The following NUP188 variants were observed in gnomAD, a reference collection of about 807,000 sequenced individuals.
NUP188 encodes the protein nucleoporin NUP188.
NUP188 carries 97 observed loss-of-function variants against 223.0 expected under a neutral mutation model. That is an observed-to-expected ratio of 0.43 (90% CI 0.37 to 0.51). NUP188 has a LOEUF of 0.51. NUP188 is among the 20% of genes least tolerant of loss of function. The pLI, the probability that NUP188 is intolerant of heterozygous loss-of-function variation, is 0.00. For missense variants in NUP188, 1,947 were observed against 2,175.6 expected (o/e 0.89, Z 2.09); for synonymous variants, 869 against 828.0 (o/e 1.05, Z -0.85).
Position 129,006,624 on chromosome 9 carries a change from T to C in NUP188, c.5196T>C (p.Ser1732=), listed in dbSNP as rs1439639582. The change falls in exon 44 of 44, where the codon AGT becomes AGC. Residue 1732 remains serine (S), a synonymous_variant. Transcript: ENST00000372577. ...STSLSKASPE[S]QEPLIQLVQA... ...CTCTCTCCAAAGCCAGCCCTGAGAG[T>C]CAGGAGCCTCTGATCCAGTTGGTGC... is the stretch of plus-strand genomic sequence containing the variant. 25 of 1,613,798 alleles carry C rather than the reference T, an allele frequency of 1.5e-5. No individual in the cohort carries two copies. Among genetic ancestry groups the C allele is most frequent in the Non-Finnish European group, 2.1e-5 (25 of 1,179,938 alleles).
In NUP188 at chr9:129,006,528, C is replaced by A. The variant is rs577229801; in HGVS notation, c.5100C>A (p.Arg1700=). Residue 1700 remains arginine (R), a synonymous_variant, in exon 44 of 44, where the codon CGC becomes CGA. Coordinates refer to ENST00000372577, the MANE Select transcript of NUP188 (RefSeq NM_015354.3). ...ELSTLLSSLS[R]YFRRGAPSSP... is the part of the protein sequence containing the mutation. ...GCACGCTGCTGTCCAGCCTCTCGCG[C>A]TACTTCCGCCGGGGAGCCCCCAGCT... 1.2e-6 allele frequency: 2 copies of A among 1,613,764 alleles called. No homozygotes were observed. The highest frequency in any genetic ancestry group is 3.3e-5 in the Admixed American group (2 of 59,902).
chr9:129,006,672 A>G lies in NUP188; in HGVS notation c.5244A>G (p.Gln1748=). The change falls in exon 44 of 44, where the codon CAA becomes CAG. Residue 1748 remains glutamine, a synonymous_variant. Coordinates refer to ENST00000372577, the MANE Select transcript of NUP188 (RefSeq NM_015354.3). ...TGCAGGCGTTTGTCCGGCATATGCA[A>G]AGATAGGGCAGTGCTGTTCTGCCCA... ...QLVQAFVRHM[Q]R 6.2e-7 allele frequency: 1 copy of G among 1,612,624 alleles called. No individual in the cohort carries two copies. Among genetic ancestry groups the G allele is most frequent in the Non-Finnish European group, 8.5e-7 (1 of 1,179,640 alleles).
intron 2 of NUP188, among the ~76,000 whole-genome samples, chr9:128,951,326 A>G (rs1205032171): frequency 1.4e-5 from 2 of 139,718 alleles, no homozygotes; most frequent in Non-Finnish European, 1.6e-5. Flanking sequence ...AAAAAAAAAA[A>G]GTCAGGCTTG....
intron 3 of NUP188, among the ~76,000 whole-genome samples, chr9:128,953,955 G>A (rs151328211): frequency 3.3e-5 from 5 of 151,752 alleles, no homozygotes; most frequent in African/African-American, 9.7e-5. Context: ...TTGGCCTCCC[G>A]AGTGGCTGGG....
intron 15 of NUP188, among the ~76,000 whole-genome samples, 167 bp downstream of exon 15, chr9:128,981,557 C>T (rs1296071846): frequency 6.6e-6 from 1 of 151,984 alleles, no homozygotes; most frequent in Non-Finnish European, 1.5e-5. Context: ...GGATTATAGA[C>T]GTGAGCCAAT....
intron 9 of NUP188, 142 bp from the exon 10 acceptor site, chr9:128,969,258 C>G: frequency 5.2e-6 from 3 of 581,636 alleles, no homozygotes; most frequent in Non-Finnish European, 9.1e-6. Context: ...CTCTGCCTCT[C>G]AAAGTGTTAG....
Position 128,969,439 on chromosome 9 carries a change from C to G in NUP188, c.837C>G (p.Ile279Met). 6.2e-7 allele frequency: 1 copy of G among 1,610,566 alleles called. No homozygotes were observed. The highest frequency in any genetic ancestry group is 2.2e-5 in the East Asian group (1 of 44,614). Residue 279 changes from isoleucine to methionine, a missense_variant, in exon 10 of 44, where the codon ATC becomes ATG. Ile to Met is a conservative substitution (Grantham distance 10, BLOSUM62 1). This residue lies in a region of NUP188 where 817 missense variants were observed against 865.8 expected (regional missense o/e 0.94). Transcript: ENST00000372577. ...SALILVEGMDIESLHKCALDD... is the reference protein window; with the variant it reads ...SALILVEGMDMESLHKCALDD... Reference sequence around the variant, plus strand: ...TCATCCTGGTGGAGGGCATGGATATCGAGTCCTTGCATAAGTGTGCTTTGG... The same window carrying G: ...TCATCCTGGTGGAGGGCATGGATATGGAGTCCTTGCATAAGTGTGCTTTGG...
chr9:128,999,391 C>G, intron 33 of NUP188, 74 bp downstream of exon 33: 1 of 1,542,738 alleles, frequency 6.5e-7, no homozygotes. Flanking sequence ...GGGCTTCCTT[C>G]AGCTTAGGGC....
intron 31 of NUP188, 124 bp from the exon 32 acceptor site, chr9:128,998,414 T>C: frequency 9.7e-7 from 1 of 1,029,280 alleles, no homozygotes. Flanking sequence ...CCCTGGCTTC[T>C]CCCCCTCCAC....
At chr9:128,977,403 G>A (rs569939328) in intron 12 of NUP188, among the ~76,000 whole-genome samples, 15 of 152,162 alleles carry the variant, frequency 9.9e-5, no homozygotes, top group Admixed American at 9.8e-4. Context: ...ATAGGCATGA[G>A]CCACCGTGCC....
At chr9:128,999,044 G>C in intron 32 of NUP188, 128 bp from the exon 33 acceptor site, 3 of 681,010 alleles carry the variant, frequency 4.4e-6, no homozygotes, top group Non-Finnish European at 7.6e-6. Flanking sequence ...GTAGAGACAG[G>C]GTTTCACCAT....
Position 129,006,035 on chromosome 9 carries a change from C to G in NUP188, c.4870-15C>G. Reference sequence around the variant, plus strand: ...GTTCCTGTTGTCTTAGTTTTTTACCCTTGCTTCTCTTCAGCTGGACAAGAA... The same window carrying G: ...GTTCCTGTTGTCTTAGTTTTTTACCGTTGCTTCTCTTCAGCTGGACAAGAA... On this transcript the variant is annotated splice_polypyrimidine_tract_variant and intron_variant, in intron 41 of 43. Transcript: ENST00000372577. The G allele has an allele frequency of 1.2e-6, 2 of 1,614,110 alleles. No homozygotes were observed. The highest frequency in any genetic ancestry group is 8.5e-7 in the Non-Finnish European group (1 of 1,179,982).
intron 12 of NUP188, among the ~76,000 whole-genome samples, chr9:128,975,226 C>CTTTTTTTTTTTTTTTTTT (rs540828761): frequency 7.6e-6 from 1 of 131,872 alleles, no homozygotes; most frequent in African/African-American, 3.0e-5. Context: ...TTTTCTTTTC[C>CTTTTTTTTTTTTTTTTTT]TTTTTTTTTT....
chr9:128,999,040 A>G (rs1167578552), intron 32 of NUP188, 132 bp from the exon 33 acceptor site: 3 of 661,858 alleles, frequency 4.5e-6, no homozygotes, highest in African/African-American at 3.6e-5. Context: ...TTTAGTAGAG[A>G]CAGGGTTTCA....
At position 129,006,139 on chromosome 9, in the gene NUP188, G is replaced by C; in HGVS notation, c.4943+16G>C. On this transcript the variant is annotated intron_variant, in intron 42 of 43. Coordinates refer to ENST00000372577, the MANE Select transcript of NUP188 (RefSeq NM_015354.3). ...GGACGTTAAAGTAAGTGCTCTTTCT[G>C]GGATTTGATAAGGGGCTGGGGCAGT... 6.2e-7 allele frequency: 1 copy of C among 1,614,146 alleles called. No individual in the cohort carries two copies. Among genetic ancestry groups the C allele is most frequent in the African/African-American group, 1.3e-5 (1 of 75,032 alleles).
In NUP188 at chr9:128,952,413, AAAAG is replaced by A. The variant is rs1482189218; in HGVS notation, c.88-355_88-352del. On this transcript the variant is annotated intron_variant, in intron 2 of 43. Coordinates refer to ENST00000372577, the MANE Select transcript of NUP188 (RefSeq NM_015354.3). Reference sequence around the variant, plus strand: ...GACTCCGTCTCAAAAAAAAAAAAAAAAAAGAAAGCACAAAAAACTGCATTTGCGG... The same window carrying A: ...GACTCCGTCTCAAAAAAAAAAAAAAAAAAGCACAAAAAACTGCATTTGCGG... Among the ~76,000 whole-genome samples the A allele has an allele frequency of 8.3e-4, 125 of 151,150 alleles. 1 individual carries two copies. Among genetic ancestry groups the A allele is most frequent in the Non-Finnish European group, 1.2e-3 (84 of 67,788 alleles).
chr9:128,983,075 C>T, intron 17 of NUP188, 47 bp downstream of exon 17: 1 of 1,606,086 alleles, frequency 6.2e-7, no homozygotes, highest in Non-Finnish European at 8.5e-7. Flanking sequence ...GAGATCTCAG[C>T]ACTTGTGCCC....
chr9:128,994,089 T>C (rs1270974123), intron 27 of NUP188, among the ~76,000 whole-genome samples: 1 of 152,212 alleles, frequency 6.6e-6, no homozygotes, highest in Admixed American at 6.5e-5. Context: ...TGCTGTCTTA[T>C]TTCCCTCCCT....
intron 11 of NUP188, 85 bp downstream of exon 11, chr9:128,971,043 A>T: frequency 9.6e-7 from 1 of 1,043,430 alleles, no homozygotes; most frequent in Non-Finnish European, 1.5e-6. Flanking sequence ...GGTGGTGTGG[A>T]TAATGGGATC....
Sources: gnomAD v4.1 joint callset for allele counts (sites outside exome capture counted in the v4.1 genomes callset) on GRCh38, gnomAD v4.1.1 for gene constraint, gnomAD v4.1.1 regional missense constraint, MANE v1.5 for transcripts, NCBI Gene and HGNC (gene_info 2026-07-23, HGNC 2026-07-21) for gene names.